Variants in BRD4 observed in about 807,000 individuals in gnomAD.
BRD4 encodes the protein bromodomain containing 4, also known as bromodomain-containing protein 4.
A neutral mutation model predicts 142.1 loss-of-function variants in BRD4; 16 were observed. The ratio of observed to expected loss-of-function variants is 0.11; its 90% confidence interval spans 0.08 to 0.17. BRD4 has a LOEUF of 0.17. Among genes scored for constraint, BRD4 ranks in the 10% least tolerant of loss-of-function variants. The probability of loss-of-function intolerance (pLI) is 1.00; values close to 1 mark genes in which losing one functional copy is unlikely to be tolerated. For missense variants in BRD4, 1,424 were observed against 1,810.9 expected (o/e 0.79, Z 3.88); for synonymous variants, 833 against 707.5 (o/e 1.18, Z -2.82).
intron 11 of BRD4, chr19:15,253,457 G>C: frequency 1.7e-6 from 2 of 1,211,646 alleles, no homozygotes; most frequent in Non-Finnish European, 2.3e-6. Context: ...GGGAACCCAG[G>C]GTCCAACGTG....
rs1357566376 is a variant in BRD4, at chr19:15,304,944, T to C, written c.-35+27346A>G. On this transcript the variant is annotated intron_variant, in intron 1 of 19. Coordinates refer to ENST00000679869, the MANE Select transcript of BRD4 (RefSeq NM_001379291.1). ...CTTCCAGAAGAAAATATAAAATATA[T>C]TTCACTTCAGGATAGTGTTCTTCCC... Among the ~76,000 whole-genome samples the C allele has an allele frequency of 4.6e-5, 7 of 151,986 alleles. 1 individual carries two copies. The East Asian group carries it at 1.3e-3, about 29-fold the overall frequency.
chr19:15,327,960 T>C (rs2048124316), intron 1 of BRD4, among the ~76,000 whole-genome samples: 1 of 144,672 alleles, frequency 6.9e-6, no homozygotes, highest in Non-Finnish European at 1.5e-5. Context: ...GTTGCAGTGA[T>C]GGCTGCAAAT....
Position 15,238,704 on chromosome 19 carries a change from A to G in BRD4, c.4020+39T>C, listed in dbSNP as rs1463667187. On this transcript the variant is annotated intron_variant, in intron 19 of 19. Transcript: ENST00000679869. This position sits in a 1 kb window ranked among gnomAD's most constrained non-coding sequence, Gnocchi z 7.2. Reference sequence around the variant, plus strand: ...CCTTTCCCAGCTCCCTCAGGAGCTAATCCTTAGACCAGGGTCCCCACCAGG... The same window carrying G: ...CCTTTCCCAGCTCCCTCAGGAGCTAGTCCTTAGACCAGGGTCCCCACCAGG... 6.8e-7 allele frequency: 1 copy of G among 1,472,392 alleles called. No individual in the cohort carries two copies. The highest frequency in any genetic ancestry group is 2.4e-5 in the East Asian group (1 of 41,308). The allele number at this position is 1,472,392 out of a possible 1,614,324, so 91.2% of individuals were successfully genotyped here.
rs2047215657 is a variant in BRD4, at chr19:15,238,940, C to T, written c.3823G>A (p.Ala1275Thr). Reference protein sequence around the residue: ...DEDALEQARRAHEEARRRQEQ... With the variant: ...DEDALEQARRTHEEARRRQEQ... ...TGGCGCCGACGTGCCTCCTCATGGG[C>T]CCGCCGGGCCTGCTCCAGCGCATCC... The change falls in exon 19 of 20, where the codon GCC becomes ACC. Residue 1275 changes from alanine (A) to threonine (T), a missense_variant. Transcript: ENST00000679869. This position sits in a 1 kb window ranked among gnomAD's most constrained non-coding sequence, Gnocchi z 7.2. 1 of 1,597,486 alleles carries T rather than the reference C, an allele frequency of 6.3e-7. No homozygotes were observed. The highest frequency in any genetic ancestry group is 1.3e-5 in the African/African-American group (1 of 74,738).
chr19:15,246,011 T>TTC (rs1049010761), intron 11 of BRD4, among the ~76,000 whole-genome samples: 2 of 152,132 alleles, frequency 1.3e-5, no homozygotes, highest in African/African-American at 2.4e-5. Flanking sequence ...TTGTGCCCTG[T>TTC]AAGAGCTCAC....
chr19:15,264,403 C>T lies in BRD4; in HGVS notation c.1212+1G>A. Reference sequence around the variant, plus strand: ...CCTTCCCTCAGGCACATCCCGCTAACCTTGATTGTGCTCATGTCCATGGGG... The same window carrying T: ...CCTTCCCTCAGGCACATCCCGCTAATCTTGATTGTGCTCATGTCCATGGGG... On this transcript the variant is annotated splice_donor_variant, in intron 6 of 19. Transcript: ENST00000679869. LOFTEE classifies it high-confidence loss of function. The T allele has an allele frequency of 6.3e-7, 1 of 1,597,088 alleles. No individual in the cohort carries two copies.
intron 1 of BRD4, among the ~76,000 whole-genome samples, chr19:15,303,615 G>A (rs1280630465): frequency 2.6e-5 from 4 of 152,148 alleles, no homozygotes; most frequent in East Asian, 1.9e-4. Flanking sequence ...ACAAAGCCAC[G>A]AAGAAGGAAA....
At chr19:15,289,158 G>T (rs903964494) in intron 1 of BRD4, among the ~76,000 whole-genome samples, 1 of 152,226 alleles carries the variant, frequency 6.6e-6, no homozygotes, top group African/African-American at 2.4e-5. Flanking sequence ...CCCTAAGCCA[G>T]AGGCCAGGCC....
At chr19:15,260,634 G>A (rs936580849) in intron 7 of BRD4, among the ~76,000 whole-genome samples, 1 of 152,032 alleles carries the variant, frequency 6.6e-6, no homozygotes, top group African/African-American at 2.4e-5. Context: ...CCTGCACTAG[G>A]CCCCCTTGAG....
chr19:15,255,040 G>T (rs900787499), intron 10 of BRD4, among the ~76,000 whole-genome samples: 1 of 152,126 alleles, frequency 6.6e-6, no homozygotes, highest in African/African-American at 2.4e-5. Flanking sequence ...AAGCAGCTCC[G>T]GCTTAGAACA....
intron 11 of BRD4, among the ~76,000 whole-genome samples, chr19:15,245,368 A>T (rs914293917): frequency 1.3e-5 from 2 of 151,988 alleles, no homozygotes; most frequent in Non-Finnish European, 2.9e-5. Flanking sequence ...GGGAAAACAC[A>T]GAGAGCCCAC....
intron 11 of BRD4, 190 bp from the exon 12 acceptor site, chr19:15,244,952 C>G (rs1350181434): frequency 9.0e-6 from 9 of 1,005,180 alleles, no homozygotes; most frequent in Non-Finnish European, 1.1e-5. Flanking sequence ...GCATCACCTA[C>G]CCACTTGCCT....
Position 15,269,050 on chromosome 19 carries a change from G to C in BRD4, c.286-8C>G, listed in dbSNP as rs2047560920. 1 of 1,613,780 alleles carries C rather than the reference G, an allele frequency of 6.2e-7. No individual in the cohort carries two copies. The stretch of plus-strand genomic sequence containing the variant: ...AATGATCTTATAGTAATCCTGGAGA[G>C]CAGAGAGCAAAAGTCCAGTGTCACC... On this transcript the variant is annotated splice_region_variant and splice_polypyrimidine_tract_variant and intron_variant, in intron 2 of 19. Coordinates refer to ENST00000679869, the MANE Select transcript of BRD4 (RefSeq NM_001379291.1).
intron 2 of BRD4, among the ~76,000 whole-genome samples, chr19:15,269,974 CA>C (rs2145616237): frequency 6.6e-6 from 1 of 152,366 alleles, no homozygotes; most frequent in South Asian, 2.1e-4. Context: ...GAGGGCCAGG[CA>C]GGGGGCTGCA....
chr19:15,309,079 G>C (rs1264187579), intron 1 of BRD4, among the ~76,000 whole-genome samples: 1 of 151,910 alleles, frequency 6.6e-6, no homozygotes, highest in Non-Finnish European at 1.5e-5. Context: ...GCTCACACCT[G>C]TAATCCCAGC....
intron 14 of BRD4, 82 bp from the exon 15 acceptor site, chr19:15,240,104 G>C: frequency 6.6e-7 from 1 of 1,508,432 alleles, no homozygotes; most frequent in African/African-American, 1.4e-5. Flanking sequence ...GGAAAACGTG[G>C]GCTGTATGGA....
At chr19:15,303,348 C>G (rs1293930527) in intron 1 of BRD4, among the ~76,000 whole-genome samples, 1 of 152,014 alleles carries the variant, frequency 6.6e-6, no homozygotes, top group African/African-American at 2.4e-5. Context: ...CTTCCTTGGC[C>G]CCATGTTTAA....
chr19:15,245,693 G>T (rs1320529755), intron 11 of BRD4, among the ~76,000 whole-genome samples: 1 of 152,178 alleles, frequency 6.6e-6, no homozygotes, highest in Non-Finnish European at 1.5e-5. Context: ...AGCCCCACAG[G>T]GGGACATGAG....
At chr19:15,331,034 A>G (rs2048152554) in intron 1 of BRD4, among the ~76,000 whole-genome samples, 1 of 152,096 alleles carries the variant, frequency 6.6e-6, no homozygotes, top group Non-Finnish European at 1.5e-5. Context: ...AGACATTCCA[A>G]TTCTCGTGAG....
Sources: allele counts gnomAD v4.1 joint callset (sites outside exome capture counted in the v4.1 genomes callset), GRCh38; gene constraint gnomAD v4.1.1; non-coding constraint Gnocchi (gnomAD v3.1); transcripts MANE v1.5; gene names NCBI Gene and HGNC (gene_info 2026-07-23, HGNC 2026-07-21).